DLG1: variants seen among roughly 807,000 people sequenced by gnomAD.
DLG1 encodes the protein discs large MAGUK scaffold protein 1.
In DLG1, 42 loss-of-function variants were observed where a neutral mutation model predicts 123.4. The ratio of observed to expected loss-of-function variants is 0.34; its 90% CI spans 0.27 to 0.44. The LOEUF (loss-of-function observed/expected upper bound fraction) is 0.44. Among genes scored for constraint, DLG1 ranks in the 20% least tolerant of loss-of-function variants. DLG1 has a pLI of 1.00. For missense variants in DLG1, 942 were observed against 1,082.6 expected, an observed-to-expected ratio of 0.87 and a Z score of 1.82; for synonymous variants, 317 against 356.2, an observed-to-expected ratio of 0.89 and a Z score of 1.24.
At chr3:197,061,977 G>A (rs957040154) in intron 22 of DLG1, among the ~76,000 whole-genome samples, 3 of 152,012 alleles carry the variant, frequency 2.0e-5, no homozygotes, top group African/African-American at 7.3e-5. Flanking sequence ...GTTTCTGCCG[G>A]AAACAATTAC....
chr3:197,211,170 C>T (rs1251800133), intron 4 of DLG1, among the ~76,000 whole-genome samples: 2 of 145,928 alleles, frequency 1.4e-5, no homozygotes, highest in African/African-American at 4.9e-5. Context: ...CGATCTAAAT[C>T]TGATAAAGGG....
chr3:197,249,712 G>A (rs955213804), intron 4 of DLG1, among the ~76,000 whole-genome samples: 2 of 152,106 alleles, frequency 1.3e-5, no homozygotes, highest in African/African-American at 2.4e-5. Flanking sequence ...AAAGGATCAC[G>A]CATCATAATC....
rs1480410628 is a variant in DLG1, at chr3:197,042,796, T to A, written c.*1827A>T. Reference sequence around the variant, plus strand: ...AACAGCAGCACTGTGTATTTCAATGTGGTAACACACTCTGCTGCCTAACGG... The same window carrying A: ...AACAGCAGCACTGTGTATTTCAATGAGGTAACACACTCTGCTGCCTAACGG... On this transcript the variant is annotated 3_prime_UTR_variant, in exon 25 of 25. Coordinates refer to ENST00000667157, the MANE Select transcript of DLG1 (RefSeq NM_001366207.1). 1 of 152,242 alleles carries A rather than the reference T, an allele frequency of 6.6e-6. No homozygotes were observed. Among genetic ancestry groups the A allele is most frequent in the African/African-American group, 2.4e-5 (1 of 41,478 alleles). The allele number at this position is 152,242 out of a possible 1,614,324, so 9.4% of individuals were successfully genotyped here. A position where few individuals can be genotyped will look rare whatever the true frequency, so the allele number is the denominator to read the frequency against.
At chr3:197,191,028 C>CAA in intron 5 of DLG1, among the ~76,000 whole-genome samples, 1 of 152,050 alleles carries the variant, frequency 6.6e-6, no homozygotes, top group East Asian at 1.9e-4. Flanking sequence ...CAAAACAAAA[C>CAA]AACAACAGAA....
At chr3:197,068,179 T>A (rs901750571) in intron 19 of DLG1, among the ~76,000 whole-genome samples, 7 of 152,208 alleles carry the variant, frequency 4.6e-5, no homozygotes, top group Non-Finnish European at 7.4e-5. Flanking sequence ...AGCTGTTTTT[T>A]AAAGTACTGG....
At chr3:197,180,348 C>G (rs545876132) in intron 5 of DLG1, among the ~76,000 whole-genome samples, 1 of 152,224 alleles carries the variant, frequency 6.6e-6, no homozygotes, top group Non-Finnish European at 1.5e-5. Context: ...TGGAACAGGA[C>G]TGTGTATGCT....
chr3:197,260,257 A>T (rs1334363874), intron 4 of DLG1: 1 of 436,880 alleles, frequency 2.3e-6, no homozygotes, highest in Non-Finnish European at 4.6e-6. Context: ...ATTATATCTT[A>T]CCTTTGTGGT....
chr3:197,172,002 T>C (rs758827815), intron 5 of DLG1, among the ~76,000 whole-genome samples: 7 of 152,162 alleles, frequency 4.6e-5, no homozygotes, highest in East Asian at 1.9e-4. Context: ...CTCTCTCAAG[T>C]TGCCTTCTTC....
rs1323199992 is a variant in DLG1 at position 197,124,076 on chromosome 3, C to T, written c.1166-4546G>A. ...TAGGCAACATAGTGAGACCCCATCTCTACAAAACAATTTTAAAAATTAGCT... is the reference window on the plus strand; with the variant it reads ...TAGGCAACATAGTGAGACCCCATCTTTACAAAACAATTTTAAAAATTAGCT... On this transcript the variant is annotated intron_variant, in intron 11 of 24. Coordinates refer to ENST00000667157, the MANE Select transcript of DLG1 (RefSeq NM_001366207.1). Among the ~76,000 whole-genome samples the T allele has an allele frequency of 2.6e-5, 4 of 152,224 alleles. No homozygotes were observed. In the South Asian group the frequency reaches 8.3e-4, roughly 32 times the overall value.
At chr3:197,084,543 C>G (rs191868430) in intron 16 of DLG1, among the ~76,000 whole-genome samples, 1 of 152,066 alleles carries the variant, frequency 6.6e-6, no homozygotes, top group Admixed American at 6.5e-5. Flanking sequence ...AACTCCTGAC[C>G]TCGTGATCCG....
chr3:197,280,337 TTG>T (rs10575004), intron 4 of DLG1, among the ~76,000 whole-genome samples: 5,582 of 149,944 alleles, frequency 0.037, 128 homozygotes, highest in African/African-American at 0.061. Flanking sequence ...GTAGTCCATT[TTG>T]TGTGTGTGTG....
chr3:197,212,469 A>G lies in DLG1; in HGVS notation c.319-17880T>C, dbSNP rs112959594. Among the ~76,000 whole-genome samples the G allele has an allele frequency of 5.4e-3, 825 of 152,372 alleles. 8 individuals carry two copies. The highest frequency in any genetic ancestry group is 0.019 in the African/African-American group (796 of 41,598). On this transcript the variant is annotated intron_variant, in intron 4 of 24. Transcript: ENST00000667157. The stretch of plus-strand genomic sequence containing the variant: ...CTAAGGAATTTACAAGACTACAGGC[A>G]GAGTTAGTTTCTTCTAAGGGCTGTG...
intron 4 of DLG1, among the ~76,000 whole-genome samples, chr3:197,273,184 A>ATG (rs912288642): frequency 8.2e-6 from 1 of 122,286 alleles, no homozygotes; most frequent in African/African-American, 3.1e-5. Context: ...GGTACACTGA[A>ATG]TATATGTGTG....
At chr3:197,239,875 G>GAAAAAAAAAAA (rs1747989587) in intron 4 of DLG1, among the ~76,000 whole-genome samples, 1 of 140,984 alleles carries the variant, frequency 7.1e-6, no homozygotes, top group African/African-American at 2.7e-5. Context: ...AGCAGATGGT[G>GAAAAAAAAAAA]AAAGAATTGG....
At chr3:197,113,049 T>C (rs548581310) in intron 13 of DLG1, among the ~76,000 whole-genome samples, 3 of 152,346 alleles carry the variant, frequency 2.0e-5, no homozygotes, top group African/African-American at 7.2e-5. Context: ...CTATAATCCA[T>C]CTAGAATTAA....
At chr3:197,280,060 A>G (rs1488488039) in intron 4 of DLG1, among the ~76,000 whole-genome samples, 1 of 152,174 alleles carries the variant, frequency 6.6e-6, no homozygotes, top group Non-Finnish European at 1.5e-5. Context: ...TAGTCACCCT[A>G]CTGTGCTACT....
chr3:197,153,954 A>C (rs745808116), intron 5 of DLG1, among the ~76,000 whole-genome samples: 11 of 152,194 alleles, frequency 7.2e-5, no homozygotes, highest in African/African-American at 1.4e-4. Flanking sequence ...CTGTTTAAAT[A>C]AACAAGAATA....
intron 11 of DLG1, among the ~76,000 whole-genome samples, chr3:197,128,500 T>C (rs1432578799): frequency 6.6e-6 from 1 of 152,212 alleles, no homozygotes; most frequent in Non-Finnish European, 1.5e-5. Context: ...GGAATCAACA[T>C]CTTTGAAACT....
intron 11 of DLG1, among the ~76,000 whole-genome samples, chr3:197,120,016 T>C (rs904984479): frequency 1.3e-5 from 2 of 152,138 alleles, no homozygotes; most frequent in East Asian, 1.9e-4. Flanking sequence ...CCCTAGCACT[T>C]TGGGAGGCCA....
Sources: allele counts gnomAD v4.1 joint callset (sites outside exome capture counted in the v4.1 genomes callset), GRCh38; gene constraint gnomAD v4.1.1; transcripts MANE v1.5; gene names NCBI Gene and HGNC (gene_info 2026-07-23, HGNC 2026-07-21).